The following NPNT variants were observed in gnomAD, a reference collection of about 807,000 sequenced individuals.
NPNT encodes the protein preosteoblast EGF-like repeat protein with MAM domain.
NPNT carries 45 observed loss-of-function variants against 68.6 expected under a neutral mutation model. That is an observed-to-expected ratio of 0.66 (90% CI 0.52 to 0.84). The LOEUF is 0.84. Ranked by LOEUF, NPNT falls within the 40% of genes least tolerant of loss-of-function variation. The pLI is 0.00. For synonymous variants in NPNT, 233 were observed against 253.3 expected (o/e 0.92, Z 0.76); for missense variants, 672 against 714.8 (o/e 0.94, Z 0.68).
At chr4:105,945,435 T>C (rs1394376793) in intron 8 of NPNT, among the ~76,000 whole-genome samples, 1 of 152,156 alleles carries the variant, frequency 6.6e-6, no homozygotes, top group Non-Finnish European at 1.5e-5. Context: ...TCAACATGTA[T>C]AGAATTGTTC....
chr4:105,936,205 A>T (rs1216411101), intron 3 of NPNT, among the ~76,000 whole-genome samples: 4 of 152,252 alleles, frequency 2.6e-5, no homozygotes, highest in Admixed American at 1.3e-4. Flanking sequence ...ACAGTCTATT[A>T]CATTTTGTCC....
intron 6 of NPNT, 63 bp from the exon 7 acceptor site, chr4:105,940,450 TA>T: frequency 1.3e-6 from 2 of 1,492,902 alleles, no homozygotes; most frequent in South Asian, 2.4e-5. Flanking sequence ...AAACTGTATA[TA>T]TTTTTTATGT....
At chr4:105,952,269 T>C (rs1730893766) in intron 8 of NPNT, among the ~76,000 whole-genome samples, 1 of 152,228 alleles carries the variant, frequency 6.6e-6, no homozygotes, top group Admixed American at 6.5e-5. Context: ...TTTGCAAGTG[T>C]GAGCTGTTAG....
At chr4:105,930,868 T>C (rs772975018) in intron 3 of NPNT, among the ~76,000 whole-genome samples, 28 of 152,334 alleles carry the variant, frequency 1.8e-4, no homozygotes, top group South Asian at 1.4e-3. Context: ...ACTGGTTTAA[T>C]TTAGTAGCCT....
chr4:105,897,606 A>G (rs1022411850), intron 1 of NPNT, among the ~76,000 whole-genome samples: 5 of 152,118 alleles, frequency 3.3e-5, no homozygotes, highest in African/African-American at 1.2e-4. Context: ...GGCAGCCTTG[A>G]GAATTGTTGG....
At chr4:105,939,919 G>A (rs550522515) in intron 5 of NPNT, among the ~76,000 whole-genome samples, 156 bp from the exon 6 acceptor site, 3 of 152,226 alleles carry the variant, frequency 2.0e-5, no homozygotes, top group South Asian at 4.1e-4. Context: ...TGGATATGTG[G>A]AATTTATGTT....
intron 8 of NPNT, among the ~76,000 whole-genome samples, chr4:105,953,601 G>A (rs1220521964): frequency 1.3e-5 from 2 of 152,126 alleles, no homozygotes; most frequent in Non-Finnish European, 2.9e-5. Context: ...GAGAATAGGG[G>A]GAGAGAGAGA....
intron 8 of NPNT, among the ~76,000 whole-genome samples, chr4:105,957,951 G>A (rs944360181): frequency 1.3e-5 from 2 of 152,128 alleles, no homozygotes; most frequent in Non-Finnish European, 1.5e-5. Context: ...AGGAGCCAGG[G>A]AAACTGTTTA....
In NPNT at chr4:105,970,639, T is replaced by TA. The variant is rs1276034652; in HGVS notation, c.*1656dup. On this transcript the variant is annotated 3_prime_UTR_variant, in exon 12 of 12. Coordinates refer to ENST00000379987, the MANE Select transcript of NPNT (RefSeq NM_001033047.3). ...CAGGGGCCATTGTTAGAATACTTCA[T>TA]AAAAAAAGAAGTGTGAAAATCTCAG... The TA allele has an allele frequency of 1.8e-5, 11 of 610,888 alleles. 1 individual carries two copies. In the Admixed American group the frequency reaches 2.6e-4, roughly 15 times the overall value. The allele number at this position is 610,888 out of a possible 1,614,324, so 37.8% of individuals were successfully genotyped here.
chr4:105,914,110 A>T (rs1181961527), intron 2 of NPNT, among the ~76,000 whole-genome samples: 8 of 151,852 alleles, frequency 5.3e-5, no homozygotes, highest in Middle Eastern at 3.4e-3. Context: ...AAAGTTAGGG[A>T]TAAAGATTTG....
At chr4:105,963,523 T>A (rs984913720) in intron 10 of NPNT, among the ~76,000 whole-genome samples, 4 of 152,100 alleles carry the variant, frequency 2.6e-5, no homozygotes, top group African/African-American at 9.7e-5. Flanking sequence ...CACAGTGAGA[T>A]GTGAAATTAA....
At chr4:105,902,995 G>C (rs1238249403) in intron 2 of NPNT, among the ~76,000 whole-genome samples, 1 of 151,958 alleles carries the variant, frequency 6.6e-6, no homozygotes, top group Admixed American at 6.6e-5. Flanking sequence ...AAGCTAGAAG[G>C]CCAGGCCAAC....
intron 6 of NPNT, 73 bp downstream of exon 6, chr4:105,940,282 G>T: frequency 6.8e-7 from 1 of 1,478,430 alleles, no homozygotes; most frequent in South Asian, 1.1e-5. Flanking sequence ...TGTGGTGATG[G>T]CTGGAATGTC....
intron 8 of NPNT, among the ~76,000 whole-genome samples, chr4:105,943,979 AAAT>A (rs1431204953): frequency 6.6e-6 from 1 of 152,192 alleles, no homozygotes; most frequent in Non-Finnish European, 1.5e-5. Flanking sequence ...CATCTCAAAA[AAAT>A]GAATAAATAA....
At chr4:105,935,993 TG>T (rs1729463024) in intron 3 of NPNT, among the ~76,000 whole-genome samples, 1 of 152,224 alleles carries the variant, frequency 6.6e-6, no homozygotes, top group Non-Finnish European at 1.5e-5. Flanking sequence ...GTACTTATGC[TG>T]GTGGTTCCAG....
chr4:105,900,703 GTCCTGCTGCT>G (rs1157612902), intron 2 of NPNT, among the ~76,000 whole-genome samples: 1 of 152,070 alleles, frequency 6.6e-6, no homozygotes, highest in Non-Finnish European at 1.5e-5. Flanking sequence ...CATAGAACCT[GTCCTGCTGCT>G]TCCTGCCTGT....
chr4:105,905,069 A>G (rs1303432798), intron 2 of NPNT, among the ~76,000 whole-genome samples: 1 of 150,786 alleles, frequency 6.6e-6, no homozygotes, highest in Non-Finnish European at 1.5e-5. Context: ...TGTGTATAGT[A>G]TGGGCTTTTT....
intron 3 of NPNT, chr4:105,932,823 C>A: frequency 1.6e-6 from 1 of 633,708 alleles, no homozygotes. Flanking sequence ...CAGCCCTGAG[C>A]ATGAGCAAGC....
chr4:105,944,604 A>G (rs950172393), intron 8 of NPNT, among the ~76,000 whole-genome samples: 1 of 152,238 alleles, frequency 6.6e-6, no homozygotes, highest in Non-Finnish European at 1.5e-5. Context: ...ACAGAGTTCC[A>G]ATGATGTTTG....
Sources: allele counts gnomAD v4.1 joint callset (sites outside exome capture counted in the v4.1 genomes callset), GRCh38; gene constraint gnomAD v4.1.1; transcripts MANE v1.5; gene names NCBI Gene and HGNC (gene_info 2026-07-23, HGNC 2026-07-21).